HMCN2: variants seen among roughly 807,000 people sequenced by gnomAD.
The protein encoded by HMCN2 is hemicentin 2.
A neutral mutation model predicts 377.5 loss-of-function variants in HMCN2; 325 were observed. The ratio of observed to expected loss-of-function variants is 0.86; its 90% CI spans 0.79 to 0.94. The LOEUF (loss-of-function observed/expected upper bound fraction) is 0.94. HMCN2 is among the 40% of genes least tolerant of loss of function. HMCN2 has a pLI of 0.00. For synonymous variants in HMCN2, 2,007 were observed against 2,046.8 expected, an observed-to-expected ratio of 0.98 and a Z score of 0.53; for missense variants, 4,543 against 4,725.3, an observed-to-expected ratio of 0.96 and a Z score of 1.13.
In HMCN2 at chr9:130,422,059, A is replaced by G. The variant is rs867403568; in HGVS notation, c.13232-518A>G. Reference sequence around the variant, plus strand: ...TCTGCTCACAGATGGCCTGGCGGGCAGCGGCTAGGAAACCAGCCCACCCGG... The same window carrying G: ...TCTGCTCACAGATGGCCTGGCGGGCGGCGGCTAGGAAACCAGCCCACCCGG... On this transcript the variant is annotated intron_variant, in intron 86 of 97. Transcript: ENST00000683500. This position sits in a 1 kb window ranked among gnomAD's most constrained non-coding sequence, Gnocchi z 4.2. Among the ~76,000 whole-genome samples, 4 of 152,242 alleles carry G rather than the reference A, an allele frequency of 2.6e-5. No homozygotes were observed. Among genetic ancestry groups the G allele is most frequent in the Admixed American group, 6.5e-5 (1 of 15,286 alleles).
At chr9:130,432,728 G>GCA in intron 97 of HMCN2, 173 bp downstream of exon 97, 1 of 662,832 alleles carries the variant, frequency 1.5e-6, no homozygotes, top group Non-Finnish European at 2.6e-6. Context: ...GGACACAGGA[G>GCA]CACACACACC....
At chr9:130,389,886 A>G (rs1842216622) in intron 62 of HMCN2, among the ~76,000 whole-genome samples, 1 of 152,028 alleles carries the variant, frequency 6.6e-6, no homozygotes, top group South Asian at 2.1e-4. Flanking sequence ...GTGCTTCCTT[A>G]TTTTTAAAAA....
At chr9:130,344,364 T>G (rs922808442) in intron 25 of HMCN2, among the ~76,000 whole-genome samples, 2 of 150,222 alleles carry the variant, frequency 1.3e-5, no homozygotes, top group Admixed American at 1.3e-4. Context: ...TAGTATGTGG[T>G]GTGTGTGTGT....
chr9:130,379,019 AG>A (rs1356083784), intron 53 of HMCN2, among the ~76,000 whole-genome samples: 5 of 152,154 alleles, frequency 3.3e-5, no homozygotes, highest in African/African-American at 1.2e-4. Context: ...AGCGTCCATT[AG>A]ACATGAGCTG....
At chr9:130,368,069 C>T (rs1228521762) in intron 43 of HMCN2, among the ~76,000 whole-genome samples, 1 of 151,722 alleles carries the variant, frequency 6.6e-6, no homozygotes, top group Non-Finnish European at 1.5e-5. Flanking sequence ...GCAGAGAAGC[C>T]TAGGGGGATG....
chr9:130,344,576 G>A (rs908281344), intron 25 of HMCN2, among the ~76,000 whole-genome samples: 7 of 150,026 alleles, frequency 4.7e-5, no homozygotes, highest in Non-Finnish European at 8.9e-5. Flanking sequence ...GGGTGTGTAT[G>A]TAGTGTTTGT....
chr9:130,352,783 T>C (rs1588291091), intron 30 of HMCN2, 144 bp from the exon 31 acceptor site: 5 of 529,120 alleles, frequency 9.4e-6, no homozygotes, highest in South Asian at 4.7e-5. Context: ...ACCCCTCCCC[T>C]CCTTGTCCAC....
chr9:130,294,918 G>A lies in HMCN2; in HGVS notation c.676G>A (p.Glu226Lys), dbSNP rs1184960370. The part of the protein sequence containing the change: ...SKVHLLSTDH[E>K]EEGEHTWRLP... ...GGTGCACCTGCTGTCCACAGACCAC[G>A]AGGAGGAGGGGGAGCACACATGGAG... The change falls in exon 5 of 98, where the codon GAG (glutamate) becomes AAG (lysine). Residue 226 changes from glutamate to lysine, a missense_variant. This residue lies in a region of HMCN2 where 547 missense variants were observed against 189.9 expected (regional missense o/e 2.88). Coordinates refer to ENST00000683500, the MANE Select transcript of HMCN2 (RefSeq NM_001291815.2). 2 of 470,430 alleles carry A rather than the reference G, an allele frequency of 4.3e-6. No homozygotes were observed. Among genetic ancestry groups the A allele is most frequent in the Admixed American group, 2.4e-5 (1 of 42,494 alleles). 29.1% of individuals were successfully genotyped at this position (470,430 alleles called of 1,614,324 possible).
At chr9:130,270,898 G>A (rs1554920896) in intron 1 of HMCN2, among the ~76,000 whole-genome samples, 1 of 148,538 alleles carries the variant, frequency 6.7e-6, no homozygotes, top group African/African-American at 2.4e-5. Context: ...TTTCTTTAAT[G>A]CCCTTTTTCT....
At chr9:130,429,492 C>A in intron 93 of HMCN2, 65 bp from the exon 94 acceptor site, 1 of 1,540,284 alleles carries the variant, frequency 6.5e-7, no homozygotes, top group South Asian at 1.2e-5. Context: ...GGGGGATGGT[C>A]CGTCCCTTGG....
At chr9:130,372,914 A>G in intron 47 of HMCN2, 124 bp from the exon 48 acceptor site, 1 of 160,344 alleles carries the variant, frequency 6.2e-6, no homozygotes, top group Non-Finnish European at 1.3e-5. Flanking sequence ...CAGGCATGGG[A>G]TGGGGAAACT....
chr9:130,433,603 C>T lies in HMCN2; in HGVS notation c.15150C>T (p.Ala5050=), dbSNP rs1430775094. The stretch of plus-strand genomic sequence containing the variant: ...ACACCCGTCGCGCGCTCACCCGCGC[C>T]GGCCTCTACCGGCTCACCGTGCGTG... ...AVYTRRALTR[A]GLYRLTVRAA... The change falls in exon 98 of 98, where the codon GCC becomes GCT. Residue 5050 remains alanine, a synonymous_variant. Coordinates refer to ENST00000683500, the MANE Select transcript of HMCN2 (RefSeq NM_001291815.2). 24 of 1,514,756 alleles carry T rather than the reference C, an allele frequency of 1.6e-5. No homozygotes were observed. The highest frequency in any genetic ancestry group is 1.9e-5 in the Non-Finnish European group (22 of 1,133,000). The allele number at this position is 1,514,756 out of a possible 1,614,324, so 93.8% of individuals were successfully genotyped here.
At position 130,362,024 on chromosome 9, in the gene HMCN2, A is replaced by T; in HGVS notation, c.5967A>T (p.Thr1989=). 1.0e-6 allele frequency: 1 copy of T among 986,026 alleles called. No individual in the cohort carries two copies. The highest frequency in any genetic ancestry group is 1.2e-6 in the Non-Finnish European group (1 of 830,108). 61.1% of individuals were successfully genotyped at this position (986,026 alleles called of 1,614,324 possible). ...GCCCTGCAGTGCCCCCTCGAATCACACTGCCACCCAGCCTGCCAGGCCCTG... is the reference window on the plus strand; with the variant it reads ...GCCCTGCAGTGCCCCCTCGAATCACTCTGCCACCCAGCCTGCCAGGCCCTG... ...GLRVNVPPRI[T]LPPSLPGPVL... Residue 1989 remains threonine (T), a synonymous_variant, in exon 39 of 98, where the codon ACA becomes ACT. Transcript: ENST00000683500.
chr9:130,396,239 C>A lies in HMCN2; in HGVS notation c.11124C>A (p.Cys3708Ter), dbSNP rs1295645412. The change falls in exon 73 of 98, where the codon TGC becomes TGA. Residue 3708 changes from cysteine to a stop codon, truncating the protein, a stop_gained. Transcript: ENST00000683500. LOFTEE classifies it high-confidence loss of function. ...VSVNQTALLP[C>*]QADGVPAPLV... ...TGAACCAGACAGCCCTGCTGCCTTG[C>A]CAGGCCGACGGCGTGCCCGCACCCC... 2.3e-6 allele frequency: 3 copies of A among 1,287,102 alleles called. No individual in the cohort carries two copies. The East Asian group carries it at 1.7e-4, about 72-fold the overall frequency. The allele number at this position is 1,287,102 out of a possible 1,614,324, so 79.7% of individuals were successfully genotyped here. A position where few individuals can be genotyped will look rare whatever the true frequency, so the allele number is the denominator to read the frequency against.
chr9:130,307,517 G>C lies in HMCN2; in HGVS notation c.2151G>C (p.Leu717Phe), dbSNP rs782529965. ...TGGCCGTTGGGGAGGAGGCTGTGTT[G>C]GTGTGTGAGGCATCTGGGGTTCCCC... is the stretch of plus-strand genomic sequence containing the variant. ...VLVAVGEEAV[L>F]VCEASGVPPP... Residue 717 changes from leucine to phenylalanine, a missense_variant, in exon 14 of 98, where the codon TTG becomes TTC. By Grantham distance (22) the Leu-to-Phe change is conservative (BLOSUM62 0). This residue lies in a region of HMCN2 where 547 missense variants were observed against 189.9 expected (regional missense o/e 2.88). Coordinates refer to ENST00000683500, the MANE Select transcript of HMCN2 (RefSeq NM_001291815.2). The C allele has an allele frequency of 2.1e-6, 1 of 471,186 alleles. No individual in the cohort carries two copies. The highest frequency in any genetic ancestry group is 1.5e-5 in the South Asian group (1 of 64,566). 29.2% of individuals were successfully genotyped at this position (471,186 alleles called of 1,614,324 possible).
chr9:130,418,966 G>A lies in HMCN2; in HGVS notation c.13156G>A (p.Asp4386Asn). The change falls in exon 86 of 98, where the codon GAT becomes AAT. Residue 4386 changes from aspartate (D) to asparagine (N), a missense_variant. Asp to Asn is a conservative substitution (Grantham distance 23). Coordinates refer to ENST00000683500, the MANE Select transcript of HMCN2 (RefSeq NM_001291815.2). ...GTGGCTGGAGAACGTGGAGACTGGGGATGCAGGCACCTACGACTGCGTCGC... is the reference window on the plus strand; with the variant it reads ...GTGGCTGGAGAACGTGGAGACTGGGAATGCAGGCACCTACGACTGCGTCGC... The part of the protein sequence containing the change: ...SLWLENVETG[D>N]AGTYDCVAHN... 2 of 1,530,242 alleles carry A rather than the reference G, an allele frequency of 1.3e-6. No individual in the cohort carries two copies. The highest frequency in any genetic ancestry group is 1.8e-6 in the Non-Finnish European group (2 of 1,136,228). 94.8% of individuals were successfully genotyped at this position (1,530,242 alleles called of 1,614,324 possible).
In HMCN2 at chr9:130,369,722, C is replaced by T; in HGVS notation, c.6940C>T (p.Leu2314=). The change falls in exon 45 of 98, where the codon CTG becomes TTG. Residue 2314 remains leucine, a synonymous_variant. Transcript: ENST00000683500. This position sits in a 1 kb window ranked among gnomAD's most constrained non-coding sequence, Gnocchi z 4.5. The part of the protein sequence containing the change: ...DGQPVGAELG[L]QLQNQGQSLH... ...CCAGCCCGTGGGGGCTGAACTGGGC[C>T]TGCAGCTGCAGAACCAGGGTCAGAG... 4 of 985,966 alleles carry T rather than the reference C, an allele frequency of 4.1e-6. No homozygotes were observed. The highest frequency in any genetic ancestry group is 4.8e-6 in the Non-Finnish European group (4 of 830,014). The allele number at this position is 985,966 out of a possible 1,614,324, so 61.1% of individuals were successfully genotyped here.
rs369343335 is a variant in HMCN2 at position 130,433,465 on chromosome 9, C to T, written c.15012C>T (p.Thr5004=). 1.0e-3 allele frequency: 1,500 copies of T among 1,500,232 alleles called. 13 individuals are homozygous for T. The African/African-American group carries it at 0.02, about 20-fold the overall frequency. The allele number at this position is 1,500,232 out of a possible 1,614,324, so 92.9% of individuals were successfully genotyped here. ...VRAHHDVARL[T]AFSEVGVPAN... is the part of the protein sequence containing the mutation. ...CCCACCACGACGTGGCCCGCCTCAC[C>T]GCCTTCTCCGAGGTCGGCGTCCCCG... Residue 5004 remains threonine, a synonymous_variant, in exon 98 of 98, where the codon ACC becomes ACT. Transcript: ENST00000683500.
intron 51 of HMCN2, among the ~76,000 whole-genome samples, 197 bp from the exon 52 acceptor site, chr9:130,376,319 C>G (rs1004317660): frequency 1.3e-5 from 2 of 152,238 alleles, no homozygotes; most frequent in Non-Finnish European, 2.9e-5. Context: ...TCCCTTGCCT[C>G]AGACCTGCCC....
Sources: allele counts gnomAD v4.1 joint callset (sites outside exome capture counted in the v4.1 genomes callset), GRCh38; gene constraint gnomAD v4.1.1; regional missense constraint gnomAD v4.1.1; non-coding constraint Gnocchi (gnomAD v3.1); transcripts MANE v1.5; gene names NCBI Gene and HGNC (gene_info 2026-07-23, HGNC 2026-07-21).